The following THRSP variants were observed in gnomAD, a reference collection of about 807,000 sequenced individuals.
The protein encoded by THRSP is thyroid hormone-inducible hepatic protein.
Under a neutral mutation model 11.1 loss-of-function variants are expected in THRSP, and 9 were observed. The ratio of observed to expected loss-of-function variants is 0.81; its 90% CI spans 0.49 to 1.42. The LOEUF (loss-of-function observed/expected upper bound fraction) is 1.42, where lower values mean the gene tolerates loss of function less well. Ranked by LOEUF, THRSP falls within the 40% of genes most tolerant of loss-of-function variation. The pLI is 0.00. For synonymous variants in THRSP, 73 were observed against 78.1 expected, an observed-to-expected ratio of 0.94 and a Z score of 0.34; for missense variants, 177 against 188.2, an observed-to-expected ratio of 0.94 and a Z score of 0.35.
Position 78,064,468 on chromosome 11 carries a change from G to T in THRSP, c.*19+127G>T. 4 of 820,722 alleles carry T rather than the reference G, an allele frequency of 4.9e-6. No homozygotes were observed. In the South Asian group the frequency reaches 7.3e-5, roughly 15 times the overall value. 50.8% of individuals were successfully genotyped at this position (820,722 alleles called of 1,614,324 possible). A position where few individuals can be genotyped will look rare whatever the true frequency, so the allele number is the denominator to read the frequency against. The stretch of plus-strand genomic sequence containing the variant: ...TCAGACAGAGCCACTCTTGGGTCAG[G>T]GTATTGGGACCACAACCTAGGAGGG... On this transcript the variant is annotated intron_variant, in intron 1 of 1. Transcript: ENST00000281030.
intron 1 of THRSP, among the ~76,000 whole-genome samples, chr11:78,064,988 C>CAA (rs57192362): frequency 0.021 from 2,790 of 132,284 alleles, 46 homozygotes; most frequent in African/African-American, 0.036. Context: ...GACTCCATCT[C>CAA]AAAAAAAAAA....
intron 1 of THRSP, 33 bp downstream of exon 1, chr11:78,064,374 A>G (rs544795184): frequency 2.0e-6 from 3 of 1,537,174 alleles, no homozygotes; most frequent in African/African-American, 2.8e-5. Flanking sequence ...GTGTGAGTCT[A>G]CAAAGGGACA....
At chr11:78,066,038 A>G (rs1858728583) in intron 1 of THRSP, among the ~76,000 whole-genome samples, 1 of 152,234 alleles carries the variant, frequency 6.6e-6, no homozygotes, top group Admixed American at 6.5e-5. Context: ...GGCCTTGGGC[A>G]AGCTAATTCA....
At chr11:78,065,999 G>A (rs528813393) in intron 1 of THRSP, among the ~76,000 whole-genome samples, 3 of 152,312 alleles carry the variant, frequency 2.0e-5, no homozygotes, top group East Asian at 3.9e-4. Flanking sequence ...CTGGGTTCAC[G>A]TTCTGATTCT....
chr11:78,067,135 T>C lies in THRSP; in HGVS notation c.*20-524T>C, dbSNP rs551803786. ...CCACCGCACCCAACCTTTTTTTTTT[T>C]TTTGAGATGGAGTCTTGCTCTTGTC... On this transcript the variant is annotated intron_variant, in intron 1 of 1. Coordinates refer to ENST00000281030, the MANE Select transcript of THRSP (RefSeq NM_003251.4). Among the ~76,000 whole-genome samples the C allele has an allele frequency of 1.1e-3, 163 of 150,214 alleles. 3 individuals carry two copies. Among genetic ancestry groups the C allele is most frequent in the African/African-American group, 3.9e-3 (160 of 40,746 alleles).
rs766916276 is a variant in THRSP, at chr11:78,064,204, A to G, written c.323A>G (p.Asp108Gly). Residue 108 changes from aspartate to glycine, a missense_variant, in exon 1 of 2, where the codon GAC (aspartate) becomes GGC (glycine). Asp to Gly is a moderately conservative substitution (Grantham distance 94). Transcript: ENST00000281030. Reference protein sequence around the residue: ...VEDESASGELDLEAQFHLHFS... With the variant: ...VEDESASGELGLEAQFHLHFS... ...GACGAGAGTGCCTCAGGAGAGCTGG[A>G]CCTGGAAGCCCAGTTCCACCTGCAC... The G allele has an allele frequency of 4.3e-6, 7 of 1,614,038 alleles. No individual in the cohort carries two copies. In the East Asian group the frequency reaches 1.6e-4, roughly 36 times the overall value.
intron 1 of THRSP, among the ~76,000 whole-genome samples, chr11:78,064,736 C>T (rs1225127357): frequency 2.6e-5 from 4 of 152,042 alleles, no homozygotes; most frequent in African/African-American, 7.2e-5. Flanking sequence ...GTGGCTCACA[C>T]CAAAGCACTT....
rs574703567 is a variant in THRSP at position 78,067,905 on chromosome 11, A to C, written c.*266A>C. The stretch of plus-strand genomic sequence containing the variant: ...AGCTTGGGGAGGTGACCAGTGGTTC[A>C]GGAGGGACTAGACAATTACCTGTCC... On this transcript the variant is annotated 3_prime_UTR_variant, in exon 2 of 2. Transcript: ENST00000281030. 4 of 152,294 alleles carry C rather than the reference A, an allele frequency of 2.6e-5. No homozygotes were observed. The highest frequency in any genetic ancestry group is 5.9e-5 in the Non-Finnish European group (4 of 68,028). The allele number at this position is 152,294 out of a possible 1,614,324, so 9.4% of individuals were successfully genotyped here. A position where few individuals can be genotyped will look rare whatever the true frequency, so the allele number is the denominator to read the frequency against.
intron 1 of THRSP, among the ~76,000 whole-genome samples, chr11:78,065,824 C>G (rs941251592): frequency 1.3e-5 from 2 of 152,366 alleles, no homozygotes; most frequent in African/African-American, 2.4e-5. Context: ...CCCCCAAACA[C>G]AGAGCCTATG....
Position 78,067,660 on chromosome 11 carries a change from T to A in THRSP, c.*21T>A, listed in dbSNP as rs890390184. On this transcript the variant is annotated splice_region_variant and 3_prime_UTR_variant, in exon 2 of 2. Coordinates refer to ENST00000281030, the MANE Select transcript of THRSP (RefSeq NM_003251.4). ...TTTAAAAATTTCTTCACTCCACAGA[T>A]CCCTTCACATGATAGAAGACAGACT... is the stretch of plus-strand genomic sequence containing the variant. The A allele has an allele frequency of 6.6e-6, 1 of 152,164 alleles. No homozygotes were observed. Among genetic ancestry groups the A allele is most frequent in the Non-Finnish European group, 1.5e-5 (1 of 68,034 alleles). 9.4% of individuals were successfully genotyped at this position (152,164 alleles called of 1,614,324 possible).
chr11:78,066,930 A>G (rs1220413453), intron 1 of THRSP, among the ~76,000 whole-genome samples: 1 of 151,604 alleles, frequency 6.6e-6, no homozygotes, highest in Non-Finnish European at 1.5e-5. Flanking sequence ...GATTCAAGCA[A>G]TTCTCCTGCC....
chr11:78,066,705 G>A (rs1309790462), intron 1 of THRSP, among the ~76,000 whole-genome samples: 1 of 152,168 alleles, frequency 6.6e-6, no homozygotes, highest in Non-Finnish European at 1.5e-5. Flanking sequence ...GGCCAGAGCA[G>A]CAACTCTACG....
At chr11:78,066,205 G>T (rs1858734161) in intron 1 of THRSP, among the ~76,000 whole-genome samples, 2 of 151,978 alleles carry the variant, frequency 1.3e-5, no homozygotes, top group African/African-American at 4.8e-5. Flanking sequence ...GTCTCACCCT[G>T]TCCCCCAGGT....
chr11:78,066,423 C>T (rs1465480490), intron 1 of THRSP, among the ~76,000 whole-genome samples: 3 of 152,224 alleles, frequency 2.0e-5, no homozygotes, highest in African/African-American at 7.2e-5. Context: ...CCTCGGCCTC[C>T]CGAAGTGCTG....
rs59717391 is a variant in THRSP at position 78,065,923 on chromosome 11, C to T, written c.*19+1582C>T. Among the ~76,000 whole-genome samples, 1,053 of 152,308 alleles carry T rather than the reference C, an allele frequency of 6.9e-3. 7 individuals carry two copies. Among genetic ancestry groups the T allele is most frequent in the African/African-American group, 0.024 (1,016 of 41,566 alleles). ...CAACCTCAACCCTTCTTCCCTCTCC[C>T]GTTGAGGCTCCCTGAGTTGCCTCAC... is the stretch of plus-strand genomic sequence containing the variant. On this transcript the variant is annotated intron_variant, in intron 1 of 1. Transcript: ENST00000281030.
intron 1 of THRSP, among the ~76,000 whole-genome samples, chr11:78,066,775 C>G (rs10793281): frequency 0.35 from 53,066 of 151,990 alleles, 10,919 homozygotes; most frequent in Non-Finnish European, 0.45. Context: ...GGTATAGCAA[C>G]AGTTAAAAAT....
chr11:78,068,037 T>C lies in THRSP; in HGVS notation c.*398T>C, dbSNP rs1013927474. ...GTACTTGTACAAGTTATTTAACCCA[T>C]TGGAGCCTAAATTCCCTCATCTATA... On this transcript the variant is annotated 3_prime_UTR_variant, in exon 2 of 2. Transcript: ENST00000281030. 2.6e-5 allele frequency: 4 copies of C among 152,228 alleles called. No individual in the cohort carries two copies. The highest frequency in any genetic ancestry group is 7.2e-5 in the African/African-American group (3 of 41,460). 9.4% of individuals were successfully genotyped at this position (152,228 alleles called of 1,614,324 possible). A position where few individuals can be genotyped will look rare whatever the true frequency, so the allele number is the denominator to read the frequency against.
intron 1 of THRSP, among the ~76,000 whole-genome samples, chr11:78,067,401 C>T (rs1313060213): frequency 6.6e-6 from 1 of 152,232 alleles, no homozygotes; most frequent in Non-Finnish European, 1.5e-5. Context: ...GGATTACAGG[C>T]GTGAGCCACC....
At position 78,067,842 on chromosome 11, in the gene THRSP, G is replaced by A. The variant is rs1406637124; in HGVS notation, c.*203G>A. 6.6e-6 allele frequency: 1 copy of A among 152,182 alleles called. No homozygotes were observed. Among genetic ancestry groups the A allele is most frequent in the Non-Finnish European group, 1.5e-5 (1 of 68,032 alleles). 9.4% of individuals were successfully genotyped at this position (152,182 alleles called of 1,614,324 possible). A position where few individuals can be genotyped will look rare whatever the true frequency, so the allele number is the denominator to read the frequency against. The stretch of plus-strand genomic sequence containing the variant: ...CCAGTCACTGGCTCACCTTTAGAAT[G>A]TCTGTTGCTATTCACTGCTCCCCTC... On this transcript the variant is annotated 3_prime_UTR_variant, in exon 2 of 2. Coordinates refer to ENST00000281030, the MANE Select transcript of THRSP (RefSeq NM_003251.4).
Sources: gnomAD v4.1 joint callset for allele counts (sites outside exome capture counted in the v4.1 genomes callset) on GRCh38, gnomAD v4.1.1 for gene constraint, MANE v1.5 for transcripts, NCBI Gene and HGNC (gene_info 2026-07-23, HGNC 2026-07-21) for gene names.